Variants in NDC1 observed in about 807,000 individuals in gnomAD.
The protein encoded by NDC1 is nucleoporin NDC1.
In NDC1, 24 loss-of-function variants were observed where a neutral mutation model predicts 89.8. The observed-to-expected ratio is 0.27, with a 90% confidence interval of 0.19 to 0.38. NDC1 has a LOEUF of 0.38. Ranked by LOEUF, NDC1 falls within the 10% of genes least tolerant of loss-of-function variation. The probability of loss-of-function intolerance (pLI) is 1.00; values close to 1 mark genes in which losing one functional copy is unlikely to be tolerated. For synonymous variants in NDC1, 296 were observed against 284.8 expected, an observed-to-expected ratio of 1.04 and a Z score of -0.39; for missense variants, 728 against 797.6, an observed-to-expected ratio of 0.91 and a Z score of 1.05.
At chr1:53,778,171 C>T (rs1022310411) in intron 16 of NDC1, among the ~76,000 whole-genome samples, 3 of 151,440 alleles carry the variant, frequency 2.0e-5, no homozygotes, top group Middle Eastern at 3.4e-3. Context: ...TTCAGTTAAC[C>T]GGAGAAAAGC....
intron 15 of NDC1, 66 bp downstream of exon 15, chr1:53,789,067 A>G: frequency 9.3e-7 from 1 of 1,074,340 alleles, no homozygotes; most frequent in South Asian, 1.3e-5. Context: ...CTGACCTTTC[A>G]TGAATTATAC....
intron 3 of NDC1, among the ~76,000 whole-genome samples, chr1:53,830,626 C>T (rs189699497): frequency 1.9e-3 from 282 of 152,104 alleles, no homozygotes; most frequent in African/African-American, 6.5e-3. Context: ...TTTGGAAGGC[C>T]GAGGCAGGCC....
chr1:53,791,471 T>C (rs1034732838), intron 14 of NDC1, among the ~76,000 whole-genome samples: 10 of 151,908 alleles, frequency 6.6e-5, no homozygotes, highest in African/African-American at 2.4e-4. Context: ...TGTCCAATTC[T>C]ATCCATGTTG....
At chr1:53,792,214 T>A (rs934962387) in intron 14 of NDC1, among the ~76,000 whole-genome samples, 3 of 152,144 alleles carry the variant, frequency 2.0e-5, no homozygotes, top group African/African-American at 7.2e-5. Flanking sequence ...AGTGCTGGGA[T>A]TACAGGTGTG....
intron 16 of NDC1, among the ~76,000 whole-genome samples, chr1:53,775,269 AT>A (rs1557563651): frequency 6.6e-6 from 1 of 151,806 alleles, no homozygotes; most frequent in Non-Finnish European, 1.5e-5. Flanking sequence ...CTTTCTTTTT[AT>A]TTTTGAGACA....
chr1:53,772,382 T>C lies in NDC1; in HGVS notation c.1908A>G (p.Ala636=). ...TTCGATAGATGGCAGTTTTCAGTGA[T>C]GCTCTGAATGCAAATCTTAATGTTT... ...SYKTLRFAFR[A]SLKTAIYRIT... is the part of the protein sequence containing the mutation. The change falls in exon 17 of 18, where the codon GCA becomes GCG. Residue 636 remains alanine, a synonymous_variant. Coordinates refer to ENST00000371429, the MANE Select transcript of NDC1 (RefSeq NM_018087.5). 6.2e-7 allele frequency: 1 copy of C among 1,614,056 alleles called. No individual in the cohort carries two copies. Among genetic ancestry groups the C allele is most frequent in the East Asian group, 2.2e-5 (1 of 44,886 alleles).
rs141345725 is a variant in NDC1 at position 53,812,872 on chromosome 1, C to A, written c.704-3126G>T. Among the ~76,000 whole-genome samples, 298 of 152,270 alleles carry A rather than the reference C, an allele frequency of 2.0e-3. 2 individuals are homozygous for A. Among genetic ancestry groups the A allele is most frequent in the Middle Eastern group, 0.014 (4 of 294 alleles). The stretch of plus-strand genomic sequence containing the variant: ...CTGTGAGACAGAAGCACCAGGTAAC[C>A]TATAAAGGAAAACCTATCAGATTAA... On this transcript the variant is annotated intron_variant, in intron 6 of 17. Coordinates refer to ENST00000371429, the MANE Select transcript of NDC1 (RefSeq NM_018087.5).
chr1:53,834,906 A>G (rs545892582), intron 2 of NDC1, among the ~76,000 whole-genome samples: 9 of 152,214 alleles, frequency 5.9e-5, no homozygotes, highest in African/African-American at 2.2e-4. Context: ...TCAGGAGCTC[A>G]AGACCAGCCT....
chr1:53,811,578 A>C (rs752468869), intron 6 of NDC1, among the ~76,000 whole-genome samples: 1 of 152,102 alleles, frequency 6.6e-6, no homozygotes, highest in Non-Finnish European at 1.5e-5. Context: ...TGACCTAGGA[A>C]TCTAACTCCC....
chr1:53,815,493 A>G (rs1648446730), intron 6 of NDC1, among the ~76,000 whole-genome samples: 1 of 152,266 alleles, frequency 6.6e-6, no homozygotes, highest in South Asian at 2.1e-4. Flanking sequence ...CACAGCCAAC[A>G]TAACACTGAA....
At chr1:53,833,120 G>A (rs1046329835) in intron 2 of NDC1, among the ~76,000 whole-genome samples, 12 of 152,154 alleles carry the variant, frequency 7.9e-5, no homozygotes, top group Admixed American at 7.2e-4. Context: ...GTTAACATCA[G>A]ACAAAACACT....
rs545291918 is a variant in NDC1, at chr1:53,793,917, G to A, written c.1585-638C>T. Among the ~76,000 whole-genome samples, 58 of 151,488 alleles carry A rather than the reference G, an allele frequency of 3.8e-4. 1 individual carries two copies. Among genetic ancestry groups the A allele is most frequent in the Non-Finnish European group, 6.9e-4 (47 of 67,940 alleles). On this transcript the variant is annotated intron_variant, in intron 13 of 17. Coordinates refer to ENST00000371429, the MANE Select transcript of NDC1 (RefSeq NM_018087.5). ...CATTATTTCTCGATTCTCTATAACT[G>A]TCCTGCCCTTTAACCTTTTAATACC...
intron 16 of NDC1, among the ~76,000 whole-genome samples, chr1:53,775,189 C>T (rs1647151882): frequency 6.6e-6 from 1 of 152,170 alleles, no homozygotes. Flanking sequence ...TAACTTTTGA[C>T]AACTCATAAT....
chr1:53,822,169 A>G (rs1046021696), intron 5 of NDC1, among the ~76,000 whole-genome samples: 4 of 152,218 alleles, frequency 2.6e-5, no homozygotes, highest in African/African-American at 9.6e-5. Context: ...AAAAAGCCGT[A>G]ATTTTTCTAC....
chr1:53,772,484 G>A lies in NDC1; in HGVS notation c.1806C>T (p.Val602=), dbSNP rs746353597. Reference sequence around the variant, plus strand: ...CATGAGGAAGCTTAAAGTACTTGTCGACTGCCTACACCAAGAAAGAAAACA... The same window carrying A: ...CATGAGGAAGCTTAAAGTACTTGTCAACTGCCTACACCAAGAAAGAAAACA... ...LNTLLTLQEA[V]DKYFKLPHAS... is the part of the protein sequence containing the mutation. Residue 602 remains valine, a synonymous_variant, in exon 17 of 18, where the codon GTC becomes GTT. Transcript: ENST00000371429. 14 of 1,612,590 alleles carry A rather than the reference G, an allele frequency of 8.7e-6. No homozygotes were observed. In the Admixed American group the frequency reaches 1.7e-4, roughly 19 times the overall value.
At chr1:53,772,593 G>A in intron 16 of NDC1, 104 bp from the exon 17 acceptor site, 2 of 1,039,894 alleles carry the variant, frequency 1.9e-6, no homozygotes, top group Non-Finnish European at 2.8e-6. Flanking sequence ...GAAGGACGAG[G>A]CGGGAGGACT....
At chr1:53,788,576 G>A (rs996433561) in intron 15 of NDC1, among the ~76,000 whole-genome samples, 2 of 151,958 alleles carry the variant, frequency 1.3e-5, no homozygotes, top group Non-Finnish European at 2.9e-5. Flanking sequence ...ATAGGCACAT[G>A]CCAGCATGCC....
At chr1:53,769,420 C>T (rs1020609336) in intron 17 of NDC1, among the ~76,000 whole-genome samples, 2 of 152,148 alleles carry the variant, frequency 1.3e-5, no homozygotes, top group African/African-American at 4.8e-5. Context: ...TTGACATACA[C>T]ACAAGAAAGT....
intron 16 of NDC1, among the ~76,000 whole-genome samples, chr1:53,772,823 A>T (rs904283556): frequency 1.3e-5 from 2 of 152,120 alleles, no homozygotes; most frequent in African/African-American, 4.8e-5. Context: ...GATAGATACA[A>T]ATGGATATAT....
Sources: allele counts gnomAD v4.1 joint callset (sites outside exome capture counted in the v4.1 genomes callset), GRCh38; gene constraint gnomAD v4.1.1; transcripts MANE v1.5; gene names NCBI Gene and HGNC (gene_info 2026-07-23, HGNC 2026-07-21).